SOCS7: variants seen among roughly 807,000 people sequenced by gnomAD.
SOCS7 encodes NAP-4.
Under a neutral mutation model 58.9 loss-of-function variants are expected in SOCS7, and 18 were observed. The ratio of observed to expected loss-of-function variants is 0.31; its 90% CI spans 0.21 to 0.45. SOCS7 has a LOEUF of 0.45. Ranked by LOEUF, SOCS7 falls within the 20% of genes least tolerant of loss-of-function variation. The pLI is 1.00. For synonymous variants in SOCS7, 388 were observed against 364.3 expected (o/e 1.06, Z -0.74); for missense variants, 667 against 837.3 (o/e 0.80, Z 2.51).
chr17:38,396,493 C>T (rs2038247030), intron 9 of SOCS7, among the ~76,000 whole-genome samples: 1 of 152,184 alleles, frequency 6.6e-6, no homozygotes, highest in Non-Finnish European at 1.5e-5. Flanking sequence ...TGTCCCACAG[C>T]TTGGAATATG....
At chr17:38,379,165 A>G (rs547274167) in intron 7 of SOCS7, among the ~76,000 whole-genome samples, 1 of 149,228 alleles carries the variant, frequency 6.7e-6, no homozygotes, top group Non-Finnish European at 1.5e-5. Flanking sequence ...CTCAAAAAAA[A>G]AAAACAAAAA....
rs1028183594 is a variant in SOCS7 at position 38,403,455 on chromosome 17, G to T, written c.*3973G>T. The T allele has an allele frequency of 6.6e-6, 1 of 152,240 alleles. No homozygotes were observed. The highest frequency in any genetic ancestry group is 1.5e-5 in the Non-Finnish European group (1 of 68,114). The allele number at this position is 152,240 out of a possible 1,614,324, so 9.4% of individuals were successfully genotyped here. A position where few individuals can be genotyped will look rare whatever the true frequency, so the allele number is the denominator to read the frequency against. The stretch of plus-strand genomic sequence containing the variant: ...GCCCTCTGCTCCCTGCAGAAACTGG[G>T]GCGAGGAGGAGCTTTTTCCTTCAGT... On this transcript the variant is annotated 3_prime_UTR_variant, in exon 10 of 10. Coordinates refer to ENST00000612932, the MANE Select transcript of SOCS7 (RefSeq NM_014598.4).
At chr17:38,357,713 C>T (rs2037658882) in intron 1 of SOCS7, among the ~76,000 whole-genome samples, 1 of 152,198 alleles carries the variant, frequency 6.6e-6, no homozygotes, top group Non-Finnish European at 1.5e-5. Context: ...GCACCGTGTG[C>T]TTTAGCAGGG....
intron 6 of SOCS7, among the ~76,000 whole-genome samples, chr17:38,373,552 A>G (rs2037894097): frequency 6.6e-6 from 1 of 152,224 alleles, no homozygotes; most frequent in African/African-American, 2.4e-5. Flanking sequence ...GACTACCTTT[A>G]TCTATGAAGC....
At chr17:38,381,165 A>G (rs991910663) in intron 7 of SOCS7, among the ~76,000 whole-genome samples, 4 of 152,172 alleles carry the variant, frequency 2.6e-5, no homozygotes, top group African/African-American at 9.7e-5. Flanking sequence ...CTCCAGTTGA[A>G]TATCTGTGTA....
intron 7 of SOCS7, among the ~76,000 whole-genome samples, chr17:38,383,702 G>A (rs1470785295): frequency 2.0e-5 from 3 of 152,026 alleles, no homozygotes; most frequent in South Asian, 4.1e-4. Context: ...CCACCATCAC[G>A]CCCGGCTAAA....
At chr17:38,396,366 C>G (rs1179362129) in intron 9 of SOCS7, among the ~76,000 whole-genome samples, 1 of 152,180 alleles carries the variant, frequency 6.6e-6, no homozygotes, top group Non-Finnish European at 1.5e-5. Flanking sequence ...GCTGATCTCC[C>G]TGATACTGCA....
chr17:38,400,307 T>C lies in SOCS7; in HGVS notation c.*825T>C, dbSNP rs1164498011. On this transcript the variant is annotated 3_prime_UTR_variant, in exon 10 of 10. Coordinates refer to ENST00000612932, the MANE Select transcript of SOCS7 (RefSeq NM_014598.4). ...ATAACTGTACATGTCACTCTGATCA[T>C]GGTAACAGCATCCCTATTGCTTCTG... The C allele has an allele frequency of 6.6e-6, 1 of 152,218 alleles. No homozygotes were observed. The highest frequency in any genetic ancestry group is 2.4e-5 in the African/African-American group (1 of 41,454). 9.4% of individuals were successfully genotyped at this position (152,218 alleles called of 1,614,324 possible).
At chr17:38,397,171 A>G (rs1441361595) in intron 9 of SOCS7, among the ~76,000 whole-genome samples, 1 of 152,172 alleles carries the variant, frequency 6.6e-6, no homozygotes, top group Non-Finnish European at 1.5e-5. Flanking sequence ...AATGTGATTA[A>G]CCCAGAGCAC....
At chr17:38,387,102 A>AAAAT (rs1244894607) in intron 7 of SOCS7, among the ~76,000 whole-genome samples, 34 of 51,134 alleles carry the variant, frequency 6.6e-4, no homozygotes, top group Non-Finnish European at 7.2e-4. Flanking sequence ...AAAAAAAAAA[A>AAAAT]ATATATATAT....
At chr17:38,387,098 A>ATAT (rs1450990405) in intron 7 of SOCS7, among the ~76,000 whole-genome samples, 145 of 89,390 alleles carry the variant, frequency 1.6e-3, no homozygotes, top group Non-Finnish European at 2.4e-3. Flanking sequence ...AAAAAAAAAA[A>ATAT]AAAAATATAT....
intron 6 of SOCS7, among the ~76,000 whole-genome samples, chr17:38,376,196 C>T (rs778989230): frequency 4.6e-5 from 7 of 152,142 alleles, no homozygotes; most frequent in South Asian, 2.1e-4. Context: ...CACAAATGGC[C>T]GGAGCCTATC....
intron 2 of SOCS7, among the ~76,000 whole-genome samples, chr17:38,362,983 C>T (rs755062796): frequency 7.9e-5 from 12 of 151,980 alleles, no homozygotes; most frequent in Non-Finnish European, 1.6e-4. Flanking sequence ...GGCATGGTGC[C>T]GCACGCCTGT....
At position 38,352,853 on chromosome 17, in the gene SOCS7, T is replaced by A. The variant is rs376084903; in HGVS notation, c.801T>A (p.Gly267=). The change falls in exon 1 of 10, where the codon GGT becomes GGA. Residue 267 remains glycine (G), a synonymous_variant. Coordinates refer to ENST00000612932, the MANE Select transcript of SOCS7 (RefSeq NM_014598.4). This position sits in a 1 kb window ranked among gnomAD's most constrained non-coding sequence, Gnocchi z 5.5. ...PPPGPLRPLA[G]PSRKGSFKIR... Reference sequence around the variant, plus strand: ...CCGGGCCCCTCCGGCCACTCGCGGGTCCTTCTCGGAAGGGCTCCTTCAAAA... The same window carrying A: ...CCGGGCCCCTCCGGCCACTCGCGGGACCTTCTCGGAAGGGCTCCTTCAAAA... 1.8e-5 allele frequency: 28 copies of A among 1,584,484 alleles called. No individual in the cohort carries two copies. The African/African-American group carries it at 3.4e-4, about 19-fold the overall frequency.
intron 7 of SOCS7, among the ~76,000 whole-genome samples, chr17:38,381,362 G>C (rs1431119265): frequency 7.2e-6 from 1 of 138,296 alleles, no homozygotes. Context: ...ATTAGGGTGA[G>C]GAAGAGGTAG....
At chr17:38,388,575 TACAACAATC>T (rs2038111044) in intron 7 of SOCS7, among the ~76,000 whole-genome samples, 1 of 152,196 alleles carries the variant, frequency 6.6e-6, no homozygotes, top group African/African-American at 2.4e-5. Flanking sequence ...CACAGAGTTG[TACAACAATC>T]ACCACAATCA....
intron 7 of SOCS7, among the ~76,000 whole-genome samples, chr17:38,392,179 G>C (rs2038180669): frequency 6.6e-6 from 1 of 152,202 alleles, no homozygotes; most frequent in Non-Finnish European, 1.5e-5. Context: ...ACAGTAAATG[G>C]TCAGATTAAT....
intron 1 of SOCS7, 60 bp downstream of exon 1, chr17:38,353,092 T>C: frequency 7.1e-7 from 1 of 1,416,150 alleles, no homozygotes; most frequent in Non-Finnish European, 9.4e-7. Context: ...TCCCTTTTTA[T>C]CTATTGCTAT....
intron 1 of SOCS7, among the ~76,000 whole-genome samples, chr17:38,353,713 G>A (rs1039153344): frequency 6.6e-6 from 1 of 152,086 alleles, no homozygotes; most frequent in African/African-American, 2.4e-5. Flanking sequence ...AGACCAGCCT[G>A]GGCAACATGC....
Sources: allele counts gnomAD v4.1 joint callset (sites outside exome capture counted in the v4.1 genomes callset), GRCh38; gene constraint gnomAD v4.1.1; non-coding constraint Gnocchi (gnomAD v3.1); transcripts MANE v1.5; gene names NCBI Gene and HGNC (gene_info 2026-07-23, HGNC 2026-07-21).